RTN4RL1: variants seen among roughly 807,000 people sequenced by gnomAD.
RTN4RL1 encodes the protein reticulon 4 receptor like 1.
RTN4RL1 carries 7 observed loss-of-function variants against 25.6 expected under a neutral mutation model. The ratio of observed to expected loss-of-function variants is 0.27; its 90% CI spans 0.16 to 0.51. The LOEUF (loss-of-function observed/expected upper bound fraction) is 0.51, where lower values mean the gene tolerates loss of function less well. Among genes scored for constraint, RTN4RL1 ranks in the 20% least tolerant of loss-of-function variants. RTN4RL1 has a pLI of 0.97. For synonymous variants in RTN4RL1, 297 were observed against 288.2 expected, an observed-to-expected ratio of 1.03 and a Z score of -0.31; for missense variants, 500 against 615.6, an observed-to-expected ratio of 0.81 and a Z score of 1.99.
intron 1 of RTN4RL1, among the ~76,000 whole-genome samples, chr17:1,961,455 C>T (rs9646401): frequency 0.49 from 74,758 of 151,876 alleles, 18,745 homozygotes; most frequent in Admixed American, 0.54. Flanking sequence ...TGTCCCCTAA[C>T]TGATTGGCAT....
chr17:1,951,040 T>C (rs1597491040), intron 1 of RTN4RL1, among the ~76,000 whole-genome samples: 2 of 151,224 alleles, frequency 1.3e-5, no homozygotes, highest in African/African-American at 4.9e-5. Flanking sequence ...CTGAGGAGGG[T>C]GGATCACGAG....
At chr17:1,966,313 C>T (rs761226263) in intron 1 of RTN4RL1, among the ~76,000 whole-genome samples, 4 of 152,300 alleles carry the variant, frequency 2.6e-5, no homozygotes, top group Non-Finnish European at 4.4e-5. Flanking sequence ...CTGGGGAGGC[C>T]CTGGGGCGAG....
chr17:1,947,758 A>G (rs1018309250), intron 1 of RTN4RL1, among the ~76,000 whole-genome samples: 2 of 152,008 alleles, frequency 1.3e-5, no homozygotes, highest in Admixed American at 6.5e-5. Flanking sequence ...AAGGTCTCGC[A>G]TGGGGTGGGG....
chr17:2,003,484 G>C (rs5013096), intron 1 of RTN4RL1: 1 of 151,934 alleles, frequency 6.6e-6, no homozygotes, highest in African/African-American at 2.4e-5. Context: ...CAGCAGCAGC[G>C]GCTCCGGGAG....
At chr17:2,018,710 G>C (rs2067159690) in intron 1 of RTN4RL1, among the ~76,000 whole-genome samples, 2 of 152,150 alleles carry the variant, frequency 1.3e-5, no homozygotes, top group African/African-American at 4.8e-5. Context: ...CCCAGGGAAA[G>C]GGACTCCAGC....
chr17:1,982,680 C>A (rs895348905), intron 1 of RTN4RL1, among the ~76,000 whole-genome samples: 1 of 152,068 alleles, frequency 6.6e-6, no homozygotes, highest in African/African-American at 2.4e-5. Context: ...CCACAAACAC[C>A]GGGCCCTCGA....
chr17:1,988,118 A>G (rs1023998490), intron 1 of RTN4RL1, among the ~76,000 whole-genome samples: 3 of 151,320 alleles, frequency 2.0e-5, no homozygotes, highest in African/African-American at 7.3e-5. Flanking sequence ...GAAAAAAAGG[A>G]AAAAAAGGAA....
chr17:1,971,769 T>G (rs945951278), intron 1 of RTN4RL1, among the ~76,000 whole-genome samples: 1 of 151,928 alleles, frequency 6.6e-6, no homozygotes, highest in African/African-American at 2.4e-5. Flanking sequence ...GAGACCATCC[T>G]AGCTAACATG....
At chr17:1,996,042 C>T (rs1464144005) in intron 1 of RTN4RL1, among the ~76,000 whole-genome samples, 1 of 152,162 alleles carries the variant, frequency 6.6e-6, no homozygotes, top group Non-Finnish European at 1.5e-5. Flanking sequence ...ATCCCTGGGC[C>T]CTGCCCTGCC....
intron 1 of RTN4RL1, among the ~76,000 whole-genome samples, chr17:2,010,864 G>T (rs1053229217): frequency 6.6e-6 from 1 of 152,240 alleles, no homozygotes; most frequent in African/African-American, 2.4e-5. Flanking sequence ...TGGGATCACA[G>T]GTGTGAGCCA....
chr17:1,963,764 T>A (rs1359840529), intron 1 of RTN4RL1, among the ~76,000 whole-genome samples: 1 of 152,054 alleles, frequency 6.6e-6, no homozygotes, highest in African/African-American at 2.4e-5. Context: ...ACAGTTTCGC[T>A]CTTGTTGCCC....
chr17:1,967,135 G>C (rs2066795032), intron 1 of RTN4RL1, among the ~76,000 whole-genome samples: 1 of 149,052 alleles, frequency 6.7e-6, no homozygotes, highest in South Asian at 2.1e-4. Context: ...CAGGCCCCAG[G>C]CTCCCGCCGC....
At chr17:1,995,908 G>T (rs1245803466) in intron 1 of RTN4RL1, among the ~76,000 whole-genome samples, 4 of 152,178 alleles carry the variant, frequency 2.6e-5, no homozygotes, top group Non-Finnish European at 5.9e-5. Context: ...CGTCTCCCCT[G>T]TTGGGCTCAT....
chr17:1,967,930 C>T (rs1373260490), intron 1 of RTN4RL1, among the ~76,000 whole-genome samples: 1 of 152,188 alleles, frequency 6.6e-6, no homozygotes, highest in Non-Finnish European at 1.5e-5. Flanking sequence ...CGTGAGCCAT[C>T]GGGCCCGGCC....
intron 1 of RTN4RL1, among the ~76,000 whole-genome samples, chr17:1,981,069 C>T (rs80000871): frequency 0.027 from 4,162 of 152,002 alleles, 178 homozygotes; most frequent in African/African-American, 0.091. Flanking sequence ...CCCCTTGTGA[C>T]CCACAGGGAG....
chr17:2,022,591 C>T (rs932868673), intron 1 of RTN4RL1, among the ~76,000 whole-genome samples: 2 of 152,206 alleles, frequency 1.3e-5, no homozygotes, highest in Non-Finnish European at 2.9e-5. Flanking sequence ...ATCTGAGTGT[C>T]CTATACAGGT....
At chr17:1,940,845 C>T (rs994875067) in intron 1 of RTN4RL1, among the ~76,000 whole-genome samples, 4 of 152,202 alleles carry the variant, frequency 2.6e-5, no homozygotes, top group African/African-American at 7.2e-5. Flanking sequence ...GGGTGCCCCT[C>T]CTAGCTCAAG....
At chr17:2,012,231 A>G (rs192524620) in intron 1 of RTN4RL1, among the ~76,000 whole-genome samples, 1 of 152,196 alleles carries the variant, frequency 6.6e-6, no homozygotes, top group African/African-American at 2.4e-5. Flanking sequence ...ACAACCCTAA[A>G]CTTTTCCAAG....
chr17:1,936,675 C>A lies in RTN4RL1; in HGVS notation c.1147G>T (p.Asp383Tyr). 1 of 1,585,446 alleles carries A rather than the reference C, an allele frequency of 6.3e-7. No homozygotes were observed. Residue 383 changes from aspartate to tyrosine, a missense_variant, in exon 2 of 2, where the codon GAC becomes TAC. Transcript: ENST00000331238. Reference sequence around the variant, plus strand: ...TCAAAACTGAACTTGTGCTGGTAGTCTGGGGCATAGTCTGGCAGCTCGGGG... The same window carrying A: ...TCAAAACTGAACTTGTGCTGGTAGTATGGGGCATAGTCTGGCAGCTCGGGG... ...QAPELPDYAPDYQHKFSFDIM... is the reference protein window; with the variant it reads ...QAPELPDYAPYYQHKFSFDIM...
Sources: gnomAD v4.1 joint callset for allele counts (sites outside exome capture counted in the v4.1 genomes callset) on GRCh38, gnomAD v4.1.1 for gene constraint, MANE v1.5 for transcripts, NCBI Gene and HGNC (gene_info 2026-07-23, HGNC 2026-07-21) for gene names.